The following TDRD9 variants were observed in gnomAD, a reference collection of about 807,000 sequenced individuals.
TDRD9 encodes the protein tudor domain containing 9.
A neutral mutation model predicts 172.6 loss-of-function variants in TDRD9; 124 were observed. The ratio of observed to expected loss-of-function variants is 0.72; its 90% confidence interval spans 0.62 to 0.83. The LOEUF (loss-of-function observed/expected upper bound fraction) is 0.83, where lower values mean the gene tolerates loss of function less well. Ranked by LOEUF, TDRD9 falls within the 40% of genes least tolerant of loss-of-function variation. TDRD9 has a pLI of 0.00. For missense variants in TDRD9, 1,479 were observed against 1,714.1 expected (o/e 0.86, Z 2.42); for synonymous variants, 619 against 617.1 (o/e 1.00, Z -0.05).
At chr14:104,000,913 A>G (rs1348045819) in intron 13 of TDRD9, among the ~76,000 whole-genome samples, 5 of 152,210 alleles carry the variant, frequency 3.3e-5, no homozygotes, top group Non-Finnish European at 4.4e-5. Context: ...CAAAATTTCT[A>G]TAATTAGATA....
intron 2 of TDRD9, among the ~76,000 whole-genome samples, chr14:103,957,613 G>A (rs1352223097): frequency 3.9e-5 from 6 of 152,212 alleles, no homozygotes; most frequent in Non-Finnish European, 7.3e-5. Flanking sequence ...TTGTACAAAG[G>A]AAGAGTACTG....
chr14:104,025,639 G>A lies in TDRD9; in HGVS notation c.2794G>A (p.Glu932Lys), dbSNP rs780639511. The change falls in exon 26 of 36, where the codon GAA becomes AAA. Residue 932 changes from glutamate (E) to lysine (K), a missense_variant. Transcript: ENST00000409874. ...NSEILKKLTA[E>K]INQLTLVPLP... ...AGAGATTCTGAAAAAGCTTACTGCTGAAATCAACCAACTGACGCTGGTGCC... is the reference window on the plus strand; with the variant it reads ...AGAGATTCTGAAAAAGCTTACTGCTAAAATCAACCAACTGACGCTGGTGCC... The A allele has an allele frequency of 6.8e-6, 11 of 1,613,920 alleles. No homozygotes were observed. The African/African-American group carries it at 1.3e-4, about 20-fold the overall frequency.
intron 1 of TDRD9, among the ~76,000 whole-genome samples, chr14:103,929,292 C>T (rs1158105510): frequency 6.6e-6 from 1 of 152,144 alleles, no homozygotes; most frequent in African/African-American, 2.4e-5. Flanking sequence ...TTTTTACTGT[C>T]TCCATAATTT....
At chr14:103,950,955 C>G (rs2031843793) in intron 1 of TDRD9, among the ~76,000 whole-genome samples, 1 of 152,210 alleles carries the variant, frequency 6.6e-6, no homozygotes, top group Non-Finnish European at 1.5e-5. Flanking sequence ...ACTAGCATCA[C>G]CCTGTTTGTG....
intron 9 of TDRD9, among the ~76,000 whole-genome samples, chr14:103,993,648 C>T (rs2033954802): frequency 2.0e-5 from 3 of 152,210 alleles, no homozygotes; most frequent in Admixed American, 2.0e-4. Flanking sequence ...CTACATCACT[C>T]CTGTCTCTGT....
chr14:104,010,657 A>G (rs1261265187), intron 20 of TDRD9, among the ~76,000 whole-genome samples: 1 of 150,926 alleles, frequency 6.6e-6, no homozygotes, highest in Non-Finnish European at 1.5e-5. Context: ...TAATGATGGT[A>G]TAGTATGATA....
At chr14:103,971,855 A>G (rs1403420981) in intron 6 of TDRD9, among the ~76,000 whole-genome samples, 1 of 152,120 alleles carries the variant, frequency 6.6e-6, no homozygotes, top group African/African-American at 2.4e-5. Flanking sequence ...ACCACAGTTT[A>G]AAGGTATGTG....
At chr14:104,013,121 G>A (rs1438799988) in intron 20 of TDRD9, among the ~76,000 whole-genome samples, 1 of 152,060 alleles carries the variant, frequency 6.6e-6, no homozygotes, top group Non-Finnish European at 1.5e-5. Context: ...TGGCTGCTGA[G>A]TTTTTCTGTC....
In TDRD9 at chr14:103,928,577, T is replaced by A; in HGVS notation, c.68T>A (p.Val23Glu). 1 of 1,370,952 alleles carries A rather than the reference T, an allele frequency of 7.3e-7. No homozygotes were observed. Among genetic ancestry groups the A allele is most frequent in the Non-Finnish European group, 9.6e-7 (1 of 1,044,228 alleles). The allele number at this position is 1,370,952 out of a possible 1,614,324, so 84.9% of individuals were successfully genotyped here. A position where few individuals can be genotyped will look rare whatever the true frequency, so the allele number is the denominator to read the frequency against. Residue 23 changes from valine (V) to glutamate (E), a missense_variant, in exon 1 of 36, where the codon GTG (valine) becomes GAG (glutamate). Coordinates refer to ENST00000409874, the MANE Select transcript of TDRD9 (RefSeq NM_153046.3). Reference sequence around the variant, plus strand: ...ACCATCGGCAAGACGGTGACCAATGTGGAGCTGCTGGGCGCGCCGCCCGCC... The same window carrying A: ...ACCATCGGCAAGACGGTGACCAATGAGGAGCTGCTGGGCGCGCCGCCCGCC... ...WFTIGKTVTN[V>E]ELLGAPPAFP...
intron 32 of TDRD9, among the ~76,000 whole-genome samples, chr14:104,038,519 C>T (rs2035519229): frequency 6.6e-6 from 1 of 152,248 alleles, no homozygotes; most frequent in Middle Eastern, 3.4e-3. Flanking sequence ...TGGTGGGTGT[C>T]CAGGCTCACA....
At chr14:104,023,501 C>T (rs2035027005) in intron 24 of TDRD9, among the ~76,000 whole-genome samples, 1 of 152,204 alleles carries the variant, frequency 6.6e-6, no homozygotes, top group Admixed American at 6.5e-5. Flanking sequence ...GAGAGTGGTA[C>T]AGGGCCAGGG....
rs1811809752 is a variant in TDRD9 at position 104,006,652 on chromosome 14, CTCTT to C, written c.1892_1895del (p.Ser631Ter). 3 of 1,612,782 alleles carry C rather than the reference CTCTT, an allele frequency of 1.9e-6. No individual in the cohort carries two copies. Among genetic ancestry groups the C allele is most frequent in the Non-Finnish European group, 2.5e-6 (3 of 1,179,708 alleles). On this transcript the variant is annotated frameshift_variant, in exon 17 of 36. Coordinates refer to ENST00000409874, the MANE Select transcript of TDRD9 (RefSeq NM_153046.3). LOFTEE classifies it high-confidence loss of function. ...GTTTATTTTTTATGGTTAGCGGCAG[CTCTT>C]TCTTTGAAGAATTTTTTTGCAATGC...
intron 1 of TDRD9, among the ~76,000 whole-genome samples, chr14:103,953,214 C>T (rs2032033114): frequency 2.0e-5 from 3 of 152,166 alleles, no homozygotes; most frequent in Admixed American, 6.5e-5. Context: ...CAGCTCCTCC[C>T]TGATACTTCC....
intron 7 of TDRD9, among the ~76,000 whole-genome samples, chr14:103,983,022 T>C (rs190526804): frequency 8.0e-5 from 12 of 150,780 alleles, no homozygotes; most frequent in African/African-American, 2.2e-4. Context: ...TAGTAGAGCA[T>C]GCCCCCCGCC....
Position 103,947,314 on chromosome 14 carries a change from G to GT in TDRD9, c.216-8342dup, listed in dbSNP as rs1013160136. ...TTTTTTTTGTTTGTTTGTTTGTTTT[G>GT]TTTTTTTTGTTTTTTTGTTTTTTTT... On this transcript the variant is annotated intron_variant, in intron 1 of 35. Transcript: ENST00000409874. Among the ~76,000 whole-genome samples the GT allele has an allele frequency of 6.3e-3, 945 of 151,156 alleles. 4 individuals carry two copies. Among genetic ancestry groups the GT allele is most frequent in the African/African-American group, 0.016 (654 of 41,218 alleles).
chr14:104,027,657 G>A (rs1321308298), intron 28 of TDRD9, among the ~76,000 whole-genome samples: 1 of 152,120 alleles, frequency 6.6e-6, no homozygotes, highest in East Asian at 1.9e-4. Context: ...TCAAGTGAGG[G>A]TAATTAGCAA....
intron 3 of TDRD9, 107 bp downstream of exon 3, chr14:103,963,283 T>G (rs2032595253): frequency 5.1e-6 from 4 of 778,488 alleles, no homozygotes; most frequent in East Asian, 2.8e-5. Flanking sequence ...TGAACACTTC[T>G]GTGGTGTACA....
At chr14:103,999,027 TTG>T (rs1272367607) in intron 13 of TDRD9, among the ~76,000 whole-genome samples, 1 of 152,178 alleles carries the variant, frequency 6.6e-6, no homozygotes, top group Non-Finnish European at 1.5e-5. Context: ...TCTCCTGACT[TTG>T]TGATCCACCC....
At chr14:103,971,084 T>C (rs1046106366) in intron 6 of TDRD9, among the ~76,000 whole-genome samples, 76 of 148,928 alleles carry the variant, frequency 5.1e-4, no homozygotes, top group East Asian at 1.2e-3. Context: ...CCTGGGTTCA[T>C]GCCATTCTCC....
Sources: gnomAD v4.1 joint callset for allele counts (sites outside exome capture counted in the v4.1 genomes callset) on GRCh38, gnomAD v4.1.1 for gene constraint, MANE v1.5 for transcripts, NCBI Gene and HGNC (gene_info 2026-07-23, HGNC 2026-07-21) for gene names.